The following TTC12 variants were observed in gnomAD, a reference collection of about 807,000 sequenced individuals.
The protein encoded by TTC12 is tetratricopeptide repeat protein 12.
In TTC12, 70 loss-of-function variants were observed where a neutral mutation model predicts 90.1. The ratio of observed to expected loss-of-function variants is 0.78; its 90% CI spans 0.64 to 0.95. The LOEUF (loss-of-function observed/expected upper bound fraction) is 0.95, where lower values mean the gene tolerates loss of function less well. Among genes scored for constraint, TTC12 ranks in the 40% least tolerant of loss-of-function variants. The probability of loss-of-function intolerance (pLI) is 0.00; values close to 1 mark genes in which losing one functional copy is unlikely to be tolerated. For synonymous variants in TTC12, 296 were observed against 311.5 expected (o/e 0.95, Z 0.53); for missense variants, 819 against 846.1 (o/e 0.97, Z 0.40).
intron 8 of TTC12, 145 bp downstream of exon 8, chr11:113,335,182 G>A: frequency 1.5e-6 from 1 of 654,602 alleles, no homozygotes. Flanking sequence ...AGATCTTAAA[G>A]TTGGGAAGAA....
chr11:113,320,282 T>G (rs1459321690), intron 2 of TTC12, among the ~76,000 whole-genome samples: 4 of 152,174 alleles, frequency 2.6e-5, no homozygotes, highest in African/African-American at 9.6e-5. Flanking sequence ...AGTTGCCTTT[T>G]GGCCTGCCAT....
chr11:113,349,879 G>A (rs1949168322), intron 13 of TTC12, among the ~76,000 whole-genome samples, 194 bp from the exon 14 acceptor site: 1 of 152,150 alleles, frequency 6.6e-6, no homozygotes, highest in African/African-American at 2.4e-5. Context: ...ATTAAGTGGT[G>A]GAGCCAACCA....
downstream of TTC12, among the ~76,000 whole-genome samples, chr11:113,370,203 T>C (rs994380954): frequency 6.6e-6 from 1 of 152,248 alleles, no homozygotes; most frequent in Non-Finnish European, 1.5e-5. Context: ...GGATCAATGC[T>C]CTAAAATCCT....
intron 13 of TTC12, among the ~76,000 whole-genome samples, chr11:113,349,185 A>G (rs7934607): frequency 0.014 from 2,071 of 152,328 alleles, 47 homozygotes; most frequent in African/African-American, 0.047. Flanking sequence ...AGTGTCATCT[A>G]TTGAAGGCTT....
Position 113,362,428 on chromosome 11 carries a change from C to G in TTC12, c.1642C>G (p.Leu548Val). 1 of 1,614,068 alleles carries G rather than the reference C, an allele frequency of 6.2e-7. No homozygotes were observed. Among genetic ancestry groups the G allele is most frequent in the Non-Finnish European group, 8.5e-7 (1 of 1,179,910 alleles). ...AGCTGCTGGTGTTCTGAGCCGGACC[C>G]TTTCTTCCTCTCTGAAAATTGTTGA... is the stretch of plus-strand genomic sequence containing the variant. ...TRAAGVLSRT[L>V]SSSLKIVEEA... Residue 548 changes from leucine (L) to valine (V), a missense_variant, in exon 19 of 22, where the codon CTT becomes GTT. Coordinates refer to ENST00000529221, the MANE Select transcript of TTC12 (RefSeq NM_017868.4).
chr11:113,351,368 A>G (rs1555150132), intron 15 of TTC12, 69 bp downstream of exon 15: 1 of 1,223,340 alleles, frequency 8.2e-7, no homozygotes, highest in Non-Finnish European at 1.2e-6. Context: ...CTGTTTAAAC[A>G]CAATTTACAA....
At chr11:113,332,301 C>A (rs10502173) in intron 7 of TTC12, among the ~76,000 whole-genome samples, 36,262 of 152,044 alleles carry the variant, frequency 0.24, 5,243 homozygotes, top group East Asian at 0.49. Flanking sequence ...TGGGCCTATT[C>A]GTGAGAAAAA....
At position 113,364,929 on chromosome 11, in the gene TTC12, C is replaced by G. The variant is rs145338802; in HGVS notation, c.1911C>G (p.Asn637Lys). The change falls in exon 21 of 22, where the codon AAC (asparagine) becomes AAG (lysine). Residue 637 changes from asparagine (N) to lysine (K), a missense_variant. Asn to Lys is a moderately conservative substitution (Grantham distance 94). Transcript: ENST00000529221. The part of the protein sequence containing the change: ...LCLGNCMEVP[N>K]VASSLLKTDL... Reference sequence around the variant, plus strand: ...TTGGTAACTGCATGGAGGTGCCCAACGTTGCGTCTTCCCTGCTAAAGACGG... The same window carrying G: ...TTGGTAACTGCATGGAGGTGCCCAAGGTTGCGTCTTCCCTGCTAAAGACGG... 3.9e-4 allele frequency: 626 copies of G among 1,614,064 alleles called. No homozygotes were observed. Among genetic ancestry groups the G allele is most frequent in the Middle Eastern group, 9.9e-4 (6 of 6,084 alleles).
intron 19 of TTC12, among the ~76,000 whole-genome samples, chr11:113,363,349 C>T (rs1950039161): frequency 6.6e-6 from 1 of 152,216 alleles, no homozygotes; most frequent in Admixed American, 6.5e-5. Context: ...TTTTAAAGAC[C>T]CCACATGGGT....
Position 113,325,663 on chromosome 11 carries a change from G to A in TTC12, c.444+18G>A, listed in dbSNP as rs782481897. On this transcript the variant is annotated intron_variant, in intron 6 of 21. Coordinates refer to ENST00000529221, the MANE Select transcript of TTC12 (RefSeq NM_017868.4). ...GAGCCCAGGTCAGTGAGGCAGGGAT[G>A]TATCCATGGGGCTTTCTCAGGGAAT... is the stretch of plus-strand genomic sequence containing the variant. 4 of 1,612,762 alleles carry A rather than the reference G, an allele frequency of 2.5e-6. No individual in the cohort carries two copies. Among genetic ancestry groups the A allele is most frequent in the East Asian group, 4.5e-5 (2 of 44,872 alleles).
At chr11:113,350,745 C>T (rs920748609) in intron 14 of TTC12, among the ~76,000 whole-genome samples, 1 of 152,200 alleles carries the variant, frequency 6.6e-6, no homozygotes, top group African/African-American at 2.4e-5. Context: ...AATTTTAGGA[C>T]ACCTTGCTTA....
intron 13 of TTC12, among the ~76,000 whole-genome samples, chr11:113,348,600 G>T (rs1555148946): frequency 6.6e-6 from 1 of 152,186 alleles, no homozygotes; most frequent in African/African-American, 2.4e-5. Flanking sequence ...CATCTGTTCT[G>T]CTATTTTCCT....
intron 6 of TTC12, among the ~76,000 whole-genome samples, chr11:113,329,417 G>C (rs1176729943): frequency 2.0e-5 from 3 of 152,176 alleles, no homozygotes; most frequent in Non-Finnish European, 4.4e-5. Flanking sequence ...TTGTGCCCTG[G>C]AGGGCTGACC....
intron 20 of TTC12, chr11:113,364,406 G>T (rs772841244): frequency 4.2e-6 from 1 of 238,088 alleles, no homozygotes; most frequent in African/African-American, 2.2e-5. Flanking sequence ...ACTGAAGGAG[G>T]CTCCACCATG....
At position 113,338,799 on chromosome 11, in the gene TTC12, T is replaced by G; in HGVS notation, c.602T>G (p.Leu201Ter). 6.2e-7 allele frequency: 1 copy of G among 1,614,094 alleles called. No homozygotes were observed. Among genetic ancestry groups the G allele is most frequent in the Non-Finnish European group, 8.5e-7 (1 of 1,179,952 alleles). The change falls in exon 9 of 22, where the codon TTA (leucine) becomes TGA (stop). Residue 201 changes from leucine (L) to a stop codon, truncating the protein, a stop_gained. Coordinates refer to ENST00000529221, the MANE Select transcript of TTC12 (RefSeq NM_017868.4). LOFTEE classifies it high-confidence loss of function. ...SVSRECYKKI[L>*]EINPKLQTQV... ...TCTAGAGAGTGTTATAAGAAGATCT[T>G]AGAAATAAACCCCAAGCTGCAAACC...
chr11:113,317,351 C>T lies in TTC12; in HGVS notation c.58+1036C>T, dbSNP rs1358960727. On this transcript the variant is annotated intron_variant, in intron 2 of 21. Transcript: ENST00000529221. ...TAAAACCTGCTTCTCCTACCCTCAC[C>T]TTCATCCTGGTCTCAGTTGGTGACA... 2.6e-5 allele frequency among the ~76,000 whole-genome samples: 4 copies of T among 152,154 alleles called. No homozygotes were observed. The East Asian group carries it at 7.7e-4, about 29-fold the overall frequency.
chr11:113,325,397 G>C (rs1159135867), intron 5 of TTC12, 127 bp from the exon 6 acceptor site: 2 of 1,111,000 alleles, frequency 1.8e-6, no homozygotes, highest in African/African-American at 3.2e-5. Flanking sequence ...AAAAACAAGT[G>C]TCAAGTCCCT....
intron 7 of TTC12, among the ~76,000 whole-genome samples, chr11:113,330,606 T>C (rs1948000526): frequency 6.6e-6 from 1 of 152,172 alleles, no homozygotes; most frequent in Non-Finnish European, 1.5e-5. Flanking sequence ...ACCAAATATT[T>C]AAGTAACCCT....
chr11:113,346,450 G>A (rs558126963), intron 13 of TTC12, among the ~76,000 whole-genome samples: 4 of 152,134 alleles, frequency 2.6e-5, no homozygotes, highest in African/African-American at 7.2e-5. Context: ...CTATTGGTGC[G>A]GTGGCTTAAA....
Sources: allele counts gnomAD v4.1 joint callset (sites outside exome capture counted in the v4.1 genomes callset), GRCh38; gene constraint gnomAD v4.1.1; transcripts MANE v1.5; gene names NCBI Gene and HGNC (gene_info 2026-07-23, HGNC 2026-07-21).